The following HEATR4 variants were observed in gnomAD, a reference collection of about 807,000 sequenced individuals.
The protein encoded by HEATR4 is HEAT repeat-containing protein 4.
In HEATR4, 95 loss-of-function variants were observed where a neutral mutation model predicts 108.8. The observed-to-expected ratio is 0.87, with a 90% confidence interval of 0.74 to 1.04. The LOEUF is 1.04. HEATR4 is among the 50% of genes least tolerant of loss of function. The pLI, the probability that HEATR4 is intolerant of heterozygous loss-of-function variation, is 0.00. For missense variants in HEATR4, 1,152 were observed against 1,253.8 expected, an observed-to-expected ratio of 0.92 and a Z score of 1.23; for synonymous variants, 443 against 459.4, an observed-to-expected ratio of 0.96 and a Z score of 0.46.
At chr14:73,598,692 C>G in the HEATR4 span, among the ~76,000 whole-genome samples, 1 of 151,984 alleles carries the variant, frequency 6.6e-6, no homozygotes, top group Non-Finnish European at 1.5e-5. Context: ...CATGGTGAAA[C>G]CCCATCTCTA....
At chr14:73,491,105 C>T (rs2140247860) in intron 17 of HEATR4, 1 of 1,606,214 alleles carries the variant, frequency 6.2e-7, no homozygotes, top group South Asian at 1.1e-5. Flanking sequence ...CGGGTCGGTC[C>T]TGGCCCTGCC....
intron 2 of HEATR4, among the ~76,000 whole-genome samples, chr14:73,524,311 ATAT>A (rs1400598370): frequency 3.4e-3 from 181 of 52,624 alleles, no homozygotes; most frequent in Non-Finnish European, 4.9e-3. Flanking sequence ...AAAAAAAAAA[ATAT>A]ATATATATAT....
At position 73,538,492 on chromosome 14, in the gene HEATR4, C is replaced by A. The variant is rs1241386768; in HGVS notation, c.-151-8248G>T. On this transcript the variant is annotated intron_variant, in intron 1 of 17. Transcript: ENST00000553558. ...GCCGGGCGTGGTAGCGGGCGCCTGT[C>A]GTCCCAGCTACTCGGGACGCTGAGG... Among the ~76,000 whole-genome samples the A allele has an allele frequency of 3.6e-4, 40 of 110,710 alleles. 8 individuals carry two copies. Among genetic ancestry groups the A allele is most frequent in the African/African-American group, 1.2e-3 (39 of 33,864 alleles). The allele number at this position is 110,710 out of a possible 152,430, so 72.6% of individuals were successfully genotyped here.
At position 73,535,679 on chromosome 14, in the gene HEATR4, C is replaced by A. The variant is rs191363374; in HGVS notation, c.-151-5435G>T. Reference sequence around the variant, plus strand: ...TTTTTTTAGTAGAGACGGAGTTTCACTGTGTTAGCCAGGATGGTGTCGATC... The same window carrying A: ...TTTTTTTAGTAGAGACGGAGTTTCAATGTGTTAGCCAGGATGGTGTCGATC... On this transcript the variant is annotated intron_variant, in intron 1 of 17. Transcript: ENST00000553558. Among the ~76,000 whole-genome samples the A allele has an allele frequency of 8.0e-4, 89 of 111,326 alleles. 15 individuals are homozygous for A. The highest frequency in any genetic ancestry group is 2.5e-3 in the African/African-American group (87 of 34,572). 73.0% of individuals were successfully genotyped at this position (111,326 alleles called of 152,430 possible).
upstream of HEATR4, among the ~76,000 whole-genome samples, chr14:73,563,191 T>TCTTA (rs3041267): frequency 1.4e-4 from 1 of 7,090 alleles, no homozygotes; most frequent in Non-Finnish European, 1.9e-4. Flanking sequence ...GTACTGTCTC[T>TCTTA]ATTTGTCAGC....
intron 17 of HEATR4, among the ~76,000 whole-genome samples, chr14:73,482,514 T>G (rs914474840): frequency 1.3e-5 from 2 of 150,960 alleles, no homozygotes; most frequent in Non-Finnish European, 2.9e-5. Flanking sequence ...ACAGCCAGAC[T>G]TCGAGACTCC....
At position 73,508,164 on chromosome 14, in the gene HEATR4, A is replaced by G. The variant is rs1339985172; in HGVS notation, c.1851T>C (p.Tyr617=). The change falls in exon 9 of 18, where the codon TAT becomes TAC. Residue 617 remains tyrosine (Y), a synonymous_variant. Coordinates refer to ENST00000553558, the MANE Select transcript of HEATR4 (RefSeq NM_001220484.1). ...KKNEDTEEQS[Y]ILLSYLSEKT... ...TCTCACTCAGATAGCTCAGGAGGATATAAGACTGTTCCTCAGTGTCCTCAT... is the reference window on the plus strand; with the variant it reads ...TCTCACTCAGATAGCTCAGGAGGATGTAAGACTGTTCCTCAGTGTCCTCAT... 3 of 1,614,026 alleles carry G rather than the reference A, an allele frequency of 1.9e-6. No individual in the cohort carries two copies. The highest frequency in any genetic ancestry group is 2.5e-6 in the Non-Finnish European group (3 of 1,179,984).
the HEATR4 span, among the ~76,000 whole-genome samples, chr14:73,622,548 G>A: frequency 8.0e-4 from 121 of 151,756 alleles, 5 homozygotes; most frequent in South Asian, 0.024. Context: ...GATTATAGGC[G>A]CACCACCACA....
At chr14:73,565,154 T>C in the HEATR4 span, among the ~76,000 whole-genome samples, 6 of 152,214 alleles carry the variant, frequency 3.9e-5, no homozygotes, top group Admixed American at 3.3e-4. Context: ...TTCATTAAGG[T>C]TTACTTAAAA....
Position 73,495,233 on chromosome 14 carries a change from A to G in HEATR4, c.2780T>C (p.Phe927Ser). 1 of 1,613,178 alleles carries G rather than the reference A, an allele frequency of 6.2e-7. No homozygotes were observed. Among genetic ancestry groups the G allele is most frequent in the Non-Finnish European group, 8.5e-7 (1 of 1,179,688 alleles). Residue 927 changes from phenylalanine to serine, a missense_variant, in exon 16 of 18, where the codon TTT becomes TCT. Physicochemically the swap from Phe to Ser is radical, Grantham distance 155. Transcript: ENST00000553558. ...LTLQTLLQETFQDEMVLPRRP... is the reference protein window; with the variant it reads ...LTLQTLLQETSQDEMVLPRRP... ...CTCACCCCTAGGAAACCTACCCTGAAAAGTTTCTTGGAGTAAAGTCTGGAG... is the reference window on the plus strand; with the variant it reads ...CTCACCCCTAGGAAACCTACCCTGAGAAGTTTCTTGGAGTAAAGTCTGGAG...
chr14:73,498,351 A>G lies in HEATR4; in HGVS notation c.2357-7T>C, dbSNP rs769134472. ...TGCCCAATCTGTCCCAAAGCTGCAGAGATTAGAGGGCAGCATGTCACTGAA... is the reference window on the plus strand; with the variant it reads ...TGCCCAATCTGTCCCAAAGCTGCAGGGATTAGAGGGCAGCATGTCACTGAA... On this transcript the variant is annotated splice_region_variant and splice_polypyrimidine_tract_variant and intron_variant, in intron 13 of 17. Coordinates refer to ENST00000553558, the MANE Select transcript of HEATR4 (RefSeq NM_001220484.1). 29 of 1,580,284 alleles carry G rather than the reference A, an allele frequency of 1.8e-5. No homozygotes were observed. The South Asian group carries it at 2.6e-4, about 14-fold the overall frequency.
At chr14:73,482,672 T>C (rs1183092024) in intron 17 of HEATR4, among the ~76,000 whole-genome samples, 1 of 152,212 alleles carries the variant, frequency 6.6e-6, no homozygotes, top group African/African-American at 2.4e-5. Context: ...ACCTTATTTT[T>C]TGAGACAGAG....
the HEATR4 span, among the ~76,000 whole-genome samples, chr14:73,586,349 A>G: frequency 6.6e-6 from 1 of 151,830 alleles, no homozygotes; most frequent in African/African-American, 2.4e-5. Flanking sequence ...AGCCGAGATC[A>G]CGCCATTGCA....
the HEATR4 span, chr14:73,595,304 C>A: frequency 6.2e-7 from 1 of 1,614,172 alleles, no homozygotes; most frequent in South Asian, 1.1e-5. Context: ...GTACAAGAAC[C>A]CCAGCATGAT....
chr14:73,626,940 C>T, the HEATR4 span, among the ~76,000 whole-genome samples: 3 of 151,114 alleles, frequency 2.0e-5, no homozygotes, highest in Non-Finnish European at 2.9e-5. Context: ...TACAGGTATG[C>T]GCCACCACAC....
chr14:73,548,936 TTC>T (rs1182214464), intron 1 of HEATR4, among the ~76,000 whole-genome samples: 2 of 113,118 alleles, frequency 1.8e-5, no homozygotes, highest in Non-Finnish European at 3.8e-5. Flanking sequence ...CCTCACATCT[TTC>T]TCTCTCTCTC....
chr14:73,563,662 C>T (rs1327819219), upstream of HEATR4, among the ~76,000 whole-genome samples: 1 of 151,846 alleles, frequency 6.6e-6, no homozygotes, highest in Admixed American at 6.6e-5. Context: ...GATTTGTACA[C>T]TTAAAAATGG....
chr14:73,572,641 T>TC, the HEATR4 span, among the ~76,000 whole-genome samples: 52 of 7,104 alleles, frequency 7.3e-3, 7 homozygotes, highest in African/African-American at 0.051. Flanking sequence ...GTGTTTGCAT[T>TC]TTTTTTTTTT....
chr14:73,571,062 T>TGACA, the HEATR4 span: 2 of 151,566 alleles, frequency 1.3e-5, no homozygotes, highest in African/African-American at 4.8e-5. Flanking sequence ...GCTGGGCCTG[T>TGACA]GACAGTGCAG....
Sources: allele counts gnomAD v4.1 joint callset (sites outside exome capture counted in the v4.1 genomes callset), GRCh38; gene constraint gnomAD v4.1.1; transcripts MANE v1.5; gene names NCBI Gene and HGNC (gene_info 2026-07-23, HGNC 2026-07-21).